Variants in RELN observed in about 807,000 individuals in gnomAD.
The protein encoded by RELN is reelin.
In RELN, 108 loss-of-function variants were observed where a neutral mutation model predicts 427.6. That is an observed-to-expected ratio of 0.25 (90% CI 0.22 to 0.30). The LOEUF is 0.30. Among genes scored for constraint, RELN ranks in the 10% least tolerant of loss-of-function variants. The pLI, the probability that RELN is intolerant of heterozygous loss-of-function variation, is 1.00. For synonymous variants in RELN, 1,524 were observed against 1,513.4 expected (o/e 1.01, Z -0.16); for missense variants, 3,715 against 4,302.8 (o/e 0.86, Z 3.82).
At chr7:103,837,584 C>T (rs896222199) in intron 2 of RELN, among the ~76,000 whole-genome samples, 2 of 152,190 alleles carry the variant, frequency 1.3e-5, no homozygotes, top group Non-Finnish European at 2.9e-5. Flanking sequence ...TAACACCAAA[C>T]ATTGAGAGAA....
intron 3 of RELN, among the ~76,000 whole-genome samples, chr7:103,792,618 C>G (rs1035713946): frequency 1.3e-5 from 2 of 151,540 alleles, no homozygotes; most frequent in Admixed American, 1.3e-4. Flanking sequence ...TGCAGGGTGT[C>G]TTTTAGGGGT....
chr7:103,961,879 G>A (rs1041933220), intron 1 of RELN, among the ~76,000 whole-genome samples: 8 of 152,112 alleles, frequency 5.3e-5, no homozygotes, highest in African/African-American at 1.7e-4. Context: ...CCTTTCAGTA[G>A]GAGTAGCTTT....
In RELN at chr7:103,953,602, G is replaced by A. The variant is rs1343011272; in HGVS notation, c.226+35529C>T. Reference sequence around the variant, plus strand: ...GAGAGTGTAATCTCAACTAGCAGTCGTAGTAAAATTGTTTCAGTAAAAATA... The same window carrying A: ...GAGAGTGTAATCTCAACTAGCAGTCATAGTAAAATTGTTTCAGTAAAAATA... On this transcript the variant is annotated intron_variant, in intron 1 of 64. Coordinates refer to ENST00000428762, the MANE Select transcript of RELN (RefSeq NM_005045.4). The surrounding 1 kb of genome is among the most constrained non-coding windows in gnomAD (Gnocchi z 4.3). Among the ~76,000 whole-genome samples the A allele has an allele frequency of 1.3e-5, 2 of 152,142 alleles. No individual in the cohort carries two copies. Among genetic ancestry groups the A allele is most frequent in the Admixed American group, 6.5e-5 (1 of 15,272 alleles).
At chr7:103,770,685 T>C (rs1791545741) in intron 4 of RELN, among the ~76,000 whole-genome samples, 1 of 151,928 alleles carries the variant, frequency 6.6e-6, no homozygotes, top group African/African-American at 2.4e-5. Flanking sequence ...ATAATAATGG[T>C]ACATATTTAT....
rs778457179 is a variant in RELN at position 103,574,315 on chromosome 7, T to A, written c.4304-16A>T. 1.2e-6 allele frequency: 2 copies of A among 1,605,648 alleles called. No homozygotes were observed. The highest frequency in any genetic ancestry group is 1.1e-5 in the South Asian group (1 of 90,806). On this transcript the variant is annotated splice_polypyrimidine_tract_variant and intron_variant, in intron 29 of 64. Coordinates refer to ENST00000428762, the MANE Select transcript of RELN (RefSeq NM_005045.4). ...CCTTGTGCAGCTTCAGAAAAAGAAA[T>A]AGAGAGGAGAGATGCTTTGTTGGAA...
chr7:103,704,443 C>A (rs1286854993), intron 8 of RELN, among the ~76,000 whole-genome samples: 1 of 152,108 alleles, frequency 6.6e-6, no homozygotes, highest in Non-Finnish European at 1.5e-5. Context: ...TCTTTCACCA[C>A]AAATCCACAC....
chr7:103,545,934 C>A (rs1322261360), intron 41 of RELN, among the ~76,000 whole-genome samples: 1 of 152,236 alleles, frequency 6.6e-6, no homozygotes, highest in African/African-American at 2.4e-5. Flanking sequence ...CCGCACCCGG[C>A]CCCTTCTGTC....
chr7:103,817,906 C>A (rs1460420361), intron 3 of RELN, among the ~76,000 whole-genome samples: 1 of 134,994 alleles, frequency 7.4e-6, no homozygotes, highest in African/African-American at 2.8e-5. Flanking sequence ...GATCTGCACT[C>A]CAGCCTGGGT....
intron 2 of RELN, among the ~76,000 whole-genome samples, chr7:103,906,832 G>T (rs1342144607): frequency 1.3e-5 from 2 of 152,146 alleles, no homozygotes; most frequent in Non-Finnish European, 2.9e-5. Flanking sequence ...TGTCTAAGCA[G>T]AACTATTTTC....
intron 3 of RELN, among the ~76,000 whole-genome samples, chr7:103,808,349 C>T (rs2116331369): frequency 6.6e-6 from 1 of 152,072 alleles, no homozygotes; most frequent in East Asian, 1.9e-4. Context: ...CAACATGGCA[C>T]ATGTATACAT....
At chr7:103,528,942 C>T (rs948655659) in intron 46 of RELN, among the ~76,000 whole-genome samples, 11 of 151,352 alleles carry the variant, frequency 7.3e-5, no homozygotes, top group Admixed American at 6.6e-4. Flanking sequence ...TCAAGACCAT[C>T]CTGGCCAACA....
chr7:103,805,181 C>T (rs1389286757), intron 3 of RELN, among the ~76,000 whole-genome samples: 1 of 152,018 alleles, frequency 6.6e-6, no homozygotes, highest in Non-Finnish European at 1.5e-5. Flanking sequence ...GTCTAAGCAC[C>T]AGATTCTTCA....
chr7:103,594,499 A>G lies in RELN; in HGVS notation c.3540-7T>C, dbSNP rs763084559. 1.9e-6 allele frequency: 3 copies of G among 1,613,800 alleles called. No homozygotes were observed. The highest frequency in any genetic ancestry group is 2.5e-6 in the Non-Finnish European group (3 of 1,179,812). ...AAGCTCCAGATAGACAAATCTGAAT[A>G]AAAGTAAATCATTTACGGTTGGGAA... is the stretch of plus-strand genomic sequence containing the variant. On this transcript the variant is annotated splice_region_variant and splice_polypyrimidine_tract_variant and intron_variant, in intron 25 of 64. Transcript: ENST00000428762.
chr7:103,681,518 T>C (rs1423461072), intron 11 of RELN, among the ~76,000 whole-genome samples: 1 of 152,122 alleles, frequency 6.6e-6, no homozygotes, highest in Non-Finnish European at 1.5e-5. Flanking sequence ...CTTCTGAAAG[T>C]GCTGCCCAAT....
chr7:103,966,051 T>C (rs1028811954), intron 1 of RELN, among the ~76,000 whole-genome samples: 2 of 152,224 alleles, frequency 1.3e-5, no homozygotes, highest in African/African-American at 2.4e-5. Context: ...AAGCCAATTT[T>C]ATTACAGGCT....
chr7:103,880,522 A>G (rs1301157796), intron 2 of RELN, among the ~76,000 whole-genome samples: 1 of 152,120 alleles, frequency 6.6e-6, no homozygotes, highest in South Asian at 2.1e-4. Flanking sequence ...CATCATCATC[A>G]TTATCGCTGT....
At chr7:103,605,137 C>G (rs111691715) in intron 22 of RELN, among the ~76,000 whole-genome samples, 336 of 152,156 alleles carry the variant, frequency 2.2e-3, no homozygotes, top group African/African-American at 7.6e-3. Context: ...GCCAACTGAG[C>G]CTTTTATAGA....
chr7:103,794,709 G>A (rs1792254744), intron 3 of RELN, among the ~76,000 whole-genome samples: 2 of 152,014 alleles, frequency 1.3e-5, no homozygotes, highest in Non-Finnish European at 2.9e-5. Flanking sequence ...CTGCACTACT[G>A]GACATTTATT....
At chr7:103,820,660 T>G (rs999870664) in intron 3 of RELN, among the ~76,000 whole-genome samples, 1 of 152,050 alleles carries the variant, frequency 6.6e-6, no homozygotes, top group East Asian at 1.9e-4. Context: ...TGTTAAATTA[T>G]AAAGAATTTC....
Sources: gnomAD v4.1 joint callset for allele counts (sites outside exome capture counted in the v4.1 genomes callset) on GRCh38, gnomAD v4.1.1 for gene constraint, Gnocchi (gnomAD v3.1) non-coding constraint, MANE v1.5 for transcripts, NCBI Gene and HGNC (gene_info 2026-07-23, HGNC 2026-07-21) for gene names.